Variants in ASTN2 observed in about 807,000 individuals in gnomAD.
ASTN2 encodes the protein astrotactin 2.
In ASTN2, 54 loss-of-function variants were observed where a neutral mutation model predicts 139.8. That is an observed-to-expected ratio of 0.39 (90% CI 0.31 to 0.48). The LOEUF is 0.48. Among genes scored for constraint, ASTN2 ranks in the 20% least tolerant of loss-of-function variants. ASTN2 has a pLI of 0.95. For missense variants in ASTN2, 1,565 were observed against 1,725.1 expected (o/e 0.91, Z 1.64); for synonymous variants, 756 against 719.5 (o/e 1.05, Z -0.81).
At chr9:116,807,947 T>TAA (rs61576800) in intron 12 of ASTN2, among the ~76,000 whole-genome samples, 31,550 of 137,648 alleles carry the variant, frequency 0.23, 3,760 homozygotes, top group East Asian at 0.48. Flanking sequence ...CTGTCTCTAC[T>TAA]AAAAAAAAAA....
intron 19 of ASTN2, among the ~76,000 whole-genome samples, chr9:116,534,235 A>G (rs1255931927): frequency 6.6e-6 from 1 of 152,028 alleles, no homozygotes; most frequent in Non-Finnish European, 1.5e-5. Flanking sequence ...TATTGCGTCT[A>G]TTAGATTCTT....
chr9:117,060,430 GGA>G (rs371631069), intron 5 of ASTN2, among the ~76,000 whole-genome samples: 12,111 of 81,308 alleles, frequency 0.15, 2,296 homozygotes, highest in South Asian at 0.22. Context: ...AAGGAAGGAA[GGA>G]AGAGAGAGAG....
intron 6 of ASTN2, among the ~76,000 whole-genome samples, chr9:117,030,516 G>T (rs1485730806): frequency 6.6e-6 from 1 of 152,122 alleles, no homozygotes; most frequent in South Asian, 2.1e-4. Context: ...CATTCTGGTT[G>T]GAAGCCAAGC....
At chr9:116,477,303 C>A (rs1435160011) in intron 20 of ASTN2, among the ~76,000 whole-genome samples, 6 of 152,118 alleles carry the variant, frequency 3.9e-5, no homozygotes, top group Non-Finnish European at 7.3e-5. Context: ...CAGGCCCCAA[C>A]TGTGCACTTT....
chr9:116,533,295 G>C (rs2119302936), intron 19 of ASTN2, among the ~76,000 whole-genome samples: 1 of 152,306 alleles, frequency 6.6e-6, no homozygotes, highest in Non-Finnish European at 1.5e-5. Context: ...ATACAATCAT[G>C]TCATCTGCAA....
chr9:116,746,500 C>T (rs1412208464), intron 13 of ASTN2, among the ~76,000 whole-genome samples: 1 of 152,124 alleles, frequency 6.6e-6, no homozygotes, highest in East Asian at 1.9e-4. Context: ...CAGAGACTCT[C>T]TTCATCTCAA....
At chr9:116,686,290 C>T (rs1588196707) in intron 16 of ASTN2, among the ~76,000 whole-genome samples, 2 of 152,312 alleles carry the variant, frequency 1.3e-5, no homozygotes, top group African/African-American at 2.4e-5. Flanking sequence ...CATCAGCTGC[C>T]TTATCTCATT....
intron 1 of ASTN2, among the ~76,000 whole-genome samples, chr9:117,357,051 A>T (rs1454728189): frequency 6.6e-6 from 1 of 152,132 alleles, no homozygotes; most frequent in African/African-American, 2.4e-5. Context: ...GTGACACAGC[A>T]ATACTCCATC....
intron 2 of ASTN2, among the ~76,000 whole-genome samples, chr9:117,243,153 G>A (rs1336588585): frequency 6.6e-6 from 1 of 152,170 alleles, no homozygotes; most frequent in African/African-American, 2.4e-5. Flanking sequence ...CATGTGATAT[G>A]GACAAAGTTG....
chr9:116,563,718 T>C (rs1286968654), intron 19 of ASTN2, among the ~76,000 whole-genome samples: 2 of 152,202 alleles, frequency 1.3e-5, no homozygotes. Context: ...TCTGATAAAA[T>C]ATTTATTTTG....
At chr9:116,855,357 C>G (rs1381546485) in intron 11 of ASTN2, among the ~76,000 whole-genome samples, 1 of 57,352 alleles carries the variant, frequency 1.7e-5, no homozygotes, top group Non-Finnish European at 3.7e-5. Context: ...TTTCATTTCC[C>G]AAACTTTGAG....
intron 11 of ASTN2, among the ~76,000 whole-genome samples, chr9:116,828,300 C>A (rs1317662849): frequency 2.3e-3 from 301 of 131,902 alleles, no homozygotes; most frequent in Middle Eastern, 0.012. Context: ...GACTCCGTCT[C>A]AAAAAAAAAA....
chr9:116,551,642 C>T (rs1852350695), intron 19 of ASTN2, among the ~76,000 whole-genome samples: 1 of 152,202 alleles, frequency 6.6e-6, no homozygotes, highest in Non-Finnish European at 1.5e-5. Flanking sequence ...GTGCCTATAT[C>T]CGCTCTGCCC....
Position 116,572,997 on chromosome 9 carries a change from ACACATGTGGGTACATG to A in ASTN2, c.3355+45311_3355+45326del, listed in dbSNP as rs1853582247. ...TGCACACATGTGGGTACATGCGTGC[ACACATGTGGGTACATG>A]CACACACACACACACACACACATAT... On this transcript the variant is annotated intron_variant, in intron 19 of 22. Coordinates refer to ENST00000313400, the MANE Select transcript of ASTN2 (RefSeq NM_001365068.1). Among the ~76,000 whole-genome samples, 4 of 147,954 alleles carry A rather than the reference ACACATGTGGGTACATG, an allele frequency of 2.7e-5. No homozygotes were observed. In the Admixed American group the frequency reaches 2.7e-4, roughly 10 times the overall value.
At chr9:117,256,281 G>A (rs1381988270) in intron 2 of ASTN2, among the ~76,000 whole-genome samples, 1 of 152,266 alleles carries the variant, frequency 6.6e-6, no homozygotes, top group Middle Eastern at 3.4e-3. Context: ...TGGGAAAGTA[G>A]GGTAGCACAT....
intron 19 of ASTN2, chr9:116,582,032 A>T (rs1853972001): frequency 6.6e-6 from 1 of 152,202 alleles, no homozygotes; most frequent in African/African-American, 2.4e-5. Flanking sequence ...CAAAAGAACA[A>T]TTTCCATTGA....
At position 116,683,833 on chromosome 9, in the gene ASTN2, GTTTT is replaced by G. The variant is rs35442071; in HGVS notation, c.2807-32044_2807-32041del. ...AATTGCATAAGTGCAGTAAGAATCT[GTTTT>G]TGTCTTGTAACAGGACACAACTGGA... On this transcript the variant is annotated intron_variant, in intron 16 of 22. Coordinates refer to ENST00000313400, the MANE Select transcript of ASTN2 (RefSeq NM_001365068.1). Among the ~76,000 whole-genome samples, 4 of 152,318 alleles carry G rather than the reference GTTTT, an allele frequency of 2.6e-5. No homozygotes were observed. The South Asian group carries it at 6.2e-4, about 24-fold the overall frequency.
chr9:116,900,069 A>T (rs7021939), intron 10 of ASTN2, among the ~76,000 whole-genome samples: 1 of 151,924 alleles, frequency 6.6e-6, no homozygotes, highest in Non-Finnish European at 1.5e-5. Flanking sequence ...TAGCCTCCAA[A>T]TTTTCAGTGA....
At chr9:117,251,439 T>C (rs1007186648) in intron 2 of ASTN2, among the ~76,000 whole-genome samples, 8 of 152,172 alleles carry the variant, frequency 5.3e-5, no homozygotes, top group Non-Finnish European at 7.3e-5. Context: ...CTATTTGTGC[T>C]TTGTCCTCTT....
Sources: allele counts gnomAD v4.1 joint callset (sites outside exome capture counted in the v4.1 genomes callset), GRCh38; gene constraint gnomAD v4.1.1; transcripts MANE v1.5; gene names NCBI Gene and HGNC (gene_info 2026-07-23, HGNC 2026-07-21).